The following BIRC6 variants were observed in gnomAD, a reference collection of about 807,000 sequenced individuals.
The protein encoded by BIRC6 is dual E2 ubiquitin-conjugating enzyme/E3 ubiquitin-protein ligase BIRC6.
Under a neutral mutation model 503.3 loss-of-function variants are expected in BIRC6, and 98 were observed. That is an observed-to-expected ratio of 0.19 (90% CI 0.17 to 0.23). BIRC6 has a LOEUF of 0.23. Ranked by LOEUF, BIRC6 falls within the 10% of genes least tolerant of loss-of-function variation. BIRC6 has a pLI of 1.00. For missense variants in BIRC6, 5,360 were observed against 5,806.0 expected (o/e 0.92, Z 2.50); for synonymous variants, 2,240 against 2,078.7 (o/e 1.08, Z -2.11).
At chr2:32,416,780 C>CCCTTT (rs1471044097) in intron 10 of BIRC6, among the ~76,000 whole-genome samples, 1 of 139,950 alleles carries the variant, frequency 7.1e-6, no homozygotes, top group Non-Finnish European at 1.5e-5. Context: ...TTTTCCTTTC[C>CCCTTT]CCTTTCCCCC....
intron 65 of BIRC6, among the ~76,000 whole-genome samples, chr2:32,570,365 G>A (rs1336837647): frequency 6.6e-6 from 1 of 151,926 alleles, no homozygotes; most frequent in East Asian, 1.9e-4. Context: ...TTTATTTTGG[G>A]TAGACACAGG....
At chr2:32,393,418 G>C (rs2039491382) in intron 5 of BIRC6, among the ~76,000 whole-genome samples, 1 of 152,176 alleles carries the variant, frequency 6.6e-6, no homozygotes, top group Non-Finnish European at 1.5e-5. Context: ...AAACTGAGTG[G>C]TATAGAGTGG....
chr2:32,468,437 G>T lies in BIRC6; in HGVS notation c.5781G>T (p.Arg1927Ser), dbSNP rs1348172477. The change falls in exon 29 of 74, where the codon AGG becomes AGT. Residue 1927 changes from arginine (R) to serine (S), a missense_variant and splice_region_variant. Around this residue, in one of 16 missense-constraint regions of BIRC6, gnomAD observed 2,299 missense variants for 2,267.2 expected, o/e 1.01. Transcript: ENST00000421745. ...TTTGTTCAATCTTTTTTTACTTTAG[G>T]TATAACTTGGCTTGTCATCGTCTGG... ...MVALQEDIQC[R>S]YNLACHRLET... 1 of 1,560,930 alleles carries T rather than the reference G, an allele frequency of 6.4e-7. No individual in the cohort carries two copies. The highest frequency in any genetic ancestry group is 2.0e-5 in the Admixed American group (1 of 50,650).
chr2:32,412,658 T>A (rs2042014953), intron 9 of BIRC6, among the ~76,000 whole-genome samples: 2 of 148,124 alleles, frequency 1.4e-5, no homozygotes, highest in Non-Finnish European at 3.0e-5. Flanking sequence ...TTCCTAGTTA[T>A]TTTTTTTTTT....
At chr2:32,430,044 G>C (rs1403217174) in intron 11 of BIRC6, among the ~76,000 whole-genome samples, 1 of 152,154 alleles carries the variant, frequency 6.6e-6, no homozygotes, top group Non-Finnish European at 1.5e-5. Context: ...TTGACATGCT[G>C]TTAATATTTA....
intron 3 of BIRC6, among the ~76,000 whole-genome samples, chr2:32,381,003 A>G (rs2037558985): frequency 6.6e-6 from 1 of 152,200 alleles, no homozygotes; most frequent in Admixed American, 6.5e-5. Context: ...TATGAGAGAC[A>G]GTGCTTTCAA....
chr2:32,583,928 C>T (rs2060857717), intron 66 of BIRC6, among the ~76,000 whole-genome samples: 2 of 152,144 alleles, frequency 1.3e-5, no homozygotes, highest in Admixed American at 6.5e-5. Flanking sequence ...GACGGAGGTT[C>T]GCCATGTTGG....
intron 72 of BIRC6, 91 bp from the exon 73 acceptor site, chr2:32,611,357 T>G: frequency 1.2e-6 from 1 of 818,570 alleles, no homozygotes; most frequent in Admixed American, 3.6e-5. Context: ...AATGTATTTA[T>G]AATACATTTT....
intron 23 of BIRC6, among the ~76,000 whole-genome samples, chr2:32,462,474 A>C (rs991679610): frequency 1.3e-5 from 2 of 152,172 alleles, no homozygotes; most frequent in Non-Finnish European, 2.9e-5. Flanking sequence ...AGTGTGTGCT[A>C]GTTTTACTGT....
At chr2:32,595,343 A>G (rs1234383988) in intron 68 of BIRC6, among the ~76,000 whole-genome samples, 199 bp downstream of exon 68, 2 of 152,242 alleles carry the variant, frequency 1.3e-5, no homozygotes, top group East Asian at 1.9e-4. Context: ...TGACTTCAAT[A>G]GAAGGACTGT....
intron 71 of BIRC6, among the ~76,000 whole-genome samples, chr2:32,604,078 A>G (rs1331132671): frequency 6.6e-6 from 1 of 152,074 alleles, no homozygotes; most frequent in Non-Finnish European, 1.5e-5. Context: ...TAATATATTT[A>G]TAGAAATTAT....
intron 9 of BIRC6, among the ~76,000 whole-genome samples, chr2:32,408,299 C>T (rs114596905): frequency 0.011 from 1,713 of 151,858 alleles, 17 homozygotes; most frequent in South Asian, 0.026. Flanking sequence ...TTTTTTGAGA[C>T]GGAGTGTCCC....
intron 69 of BIRC6, among the ~76,000 whole-genome samples, chr2:32,599,280 G>T (rs904601643): frequency 2.1e-5 from 3 of 146,278 alleles, no homozygotes; most frequent in African/African-American, 7.6e-5. Flanking sequence ...AATGAGCCGA[G>T]ATCACACCAT....
chr2:32,607,856 G>T (rs961955885), intron 72 of BIRC6, among the ~76,000 whole-genome samples: 1 of 150,684 alleles, frequency 6.6e-6, no homozygotes, highest in African/African-American at 2.4e-5. Context: ...ATGGTGGCAG[G>T]CGCCTGTAAT....
intron 6 of BIRC6, among the ~76,000 whole-genome samples, chr2:32,399,607 A>G (rs933737508): frequency 3.3e-5 from 5 of 152,178 alleles, no homozygotes; most frequent in Admixed American, 6.5e-5. Context: ...ATGCCTTATA[A>G]TTATAGCTAA....
chr2:32,369,694 C>G (rs2149237912), intron 1 of BIRC6, among the ~76,000 whole-genome samples: 1 of 151,776 alleles, frequency 6.6e-6, no homozygotes. Context: ...TCCCAAAGTG[C>G]TGGGATTACG....
At chr2:32,543,606 A>G (rs2057835751) in intron 62 of BIRC6, 65 bp downstream of exon 62, 1 of 1,432,150 alleles carries the variant, frequency 7.0e-7, no homozygotes, top group Non-Finnish European at 9.5e-7. Context: ...TATCCAGATC[A>G]TTGCCTATTA....
intron 57 of BIRC6, among the ~76,000 whole-genome samples, chr2:32,519,459 G>A (rs918314933): frequency 6.6e-4 from 100 of 152,128 alleles, no homozygotes; most frequent in African/African-American, 2.3e-3. Flanking sequence ...ACAACATATG[G>A]GATAGTTTTT....
Position 32,363,418 on chromosome 2 carries a change from A to C in BIRC6, c.325+5932A>C, listed in dbSNP as rs1199048095. 2.6e-5 allele frequency among the ~76,000 whole-genome samples: 4 copies of C among 152,162 alleles called. No homozygotes were observed. The East Asian group carries it at 7.7e-4, about 29-fold the overall frequency. On this transcript the variant is annotated intron_variant, in intron 1 of 73. Transcript: ENST00000421745. ...TTTTTGGACTTAAACTGAACTTTGA[A>C]CTTCCTAAGGTTTTTTTGTGATTTA...
Sources: gnomAD v4.1 joint callset for allele counts (sites outside exome capture counted in the v4.1 genomes callset) on GRCh38, gnomAD v4.1.1 for gene constraint, gnomAD v4.1.1 regional missense constraint, MANE v1.5 for transcripts, NCBI Gene and HGNC (gene_info 2026-07-23, HGNC 2026-07-21) for gene names.